PDE11A: variants seen among roughly 807,000 people sequenced by gnomAD.
PDE11A encodes phosphodiesterase 11A.
PDE11A carries 100 observed loss-of-function variants against 100.5 expected under a neutral mutation model. That is an observed-to-expected ratio of 1.00 (90% confidence interval 0.85 to 1.18). The LOEUF (loss-of-function observed/expected upper bound fraction) is 1.18, where lower values mean the gene tolerates loss of function less well. Among genes scored for constraint, PDE11A ranks in the 50% most tolerant of loss-of-function variants. The pLI is 0.00. For synonymous variants in PDE11A, 381 were observed against 420.8 expected (o/e 0.91, Z 1.16); for missense variants, 1,141 against 1,152.6 (o/e 0.99, Z 0.15).
intron 2 of PDE11A, among the ~76,000 whole-genome samples, chr2:178,086,769 GCCAGAA>G (rs1326962345): frequency 6.6e-6 from 1 of 152,134 alleles, no homozygotes; most frequent in African/African-American, 2.4e-5. Flanking sequence ...TATGAATCTG[GCCAGAA>G]CCCCACATAA....
At chr2:177,864,631 C>T (rs935521057) in intron 5 of PDE11A, among the ~76,000 whole-genome samples, 4 of 152,010 alleles carry the variant, frequency 2.6e-5, no homozygotes, top group Admixed American at 2.6e-4. Flanking sequence ...ACAAATTGCC[C>T]AGCAAGGATA....
At chr2:178,017,030 A>C (rs962006528) in intron 1 of PDE11A, among the ~76,000 whole-genome samples, 2 of 152,246 alleles carry the variant, frequency 1.3e-5, no homozygotes, top group Admixed American at 1.3e-4. Context: ...CCCAACTAAA[A>C]TATAAAATCT....
chr2:177,856,637 AAAAGT>A (rs1451068145), intron 5 of PDE11A, among the ~76,000 whole-genome samples: 1 of 152,100 alleles, frequency 6.6e-6, no homozygotes, highest in East Asian at 1.9e-4. Context: ...TCAAAAATTG[AAAAGT>A]ATAGTAACAG....
chr2:177,895,003 C>T (rs920331332), intron 4 of PDE11A, among the ~76,000 whole-genome samples: 1 of 152,060 alleles, frequency 6.6e-6, no homozygotes, highest in African/African-American at 2.4e-5. Flanking sequence ...ACCTTGGGAC[C>T]ACTTATTCAA....
chr2:178,020,221 C>T (rs6741976), intron 1 of PDE11A, among the ~76,000 whole-genome samples: 7,030 of 152,210 alleles, frequency 0.046, 248 homozygotes, highest in Middle Eastern at 0.13. Context: ...GACTGAAAAT[C>T]CACTCTGCAG....
At chr2:178,104,003 C>G (rs574048499) in intron 2 of PDE11A, among the ~76,000 whole-genome samples, 1 of 152,138 alleles carries the variant, frequency 6.6e-6, no homozygotes, top group East Asian at 1.9e-4. Context: ...GCCATTATAC[C>G]ACTAAAATAT....
chr2:177,690,966 T>C (rs2105522540), intron 15 of PDE11A, among the ~76,000 whole-genome samples: 1 of 152,348 alleles, frequency 6.6e-6, no homozygotes, highest in Non-Finnish European at 1.5e-5. Flanking sequence ...CACATTGATA[T>C]GATAATTCAG....
At chr2:177,710,883 C>G (rs17400526) in intron 13 of PDE11A, among the ~76,000 whole-genome samples, 10,843 of 152,294 alleles carry the variant, frequency 0.071, 583 homozygotes, top group Non-Finnish European at 0.11. Flanking sequence ...CTGACTTGTT[C>G]TAGAGGCTGT....
chr2:177,928,225 T>C (rs1247822462), intron 2 of PDE11A, among the ~76,000 whole-genome samples: 1 of 152,120 alleles, frequency 6.6e-6, no homozygotes, highest in Non-Finnish European at 1.5e-5. Context: ...ATTTTACTTA[T>C]GTGATTCTAA....
At chr2:178,073,519 C>T (rs2087165945), upstream of PDE11A, among the ~76,000 whole-genome samples, 1 of 152,038 alleles carries the variant, frequency 6.6e-6, no homozygotes, top group Non-Finnish European at 1.5e-5. Flanking sequence ...AGACAGTAAA[C>T]CAAGCATAGA....
intron 17 of PDE11A, among the ~76,000 whole-genome samples, chr2:177,674,850 CG>C (rs2080744300): frequency 6.6e-6 from 1 of 152,146 alleles, no homozygotes; most frequent in African/African-American, 2.4e-5. Flanking sequence ...CATCATAAAA[CG>C]CACATAACGA....
intron 3 of PDE11A, among the ~76,000 whole-genome samples, chr2:177,901,064 A>C (rs1466261786): frequency 6.6e-6 from 1 of 152,162 alleles, no homozygotes; most frequent in Non-Finnish European, 1.5e-5. Context: ...TTCCCTGGGG[A>C]CTAGAATGCC....
At chr2:177,716,169 C>T (rs2081434143) in intron 12 of PDE11A, among the ~76,000 whole-genome samples, 1 of 152,078 alleles carries the variant, frequency 6.6e-6, no homozygotes, top group South Asian at 2.1e-4. Flanking sequence ...GGTTGTGTAC[C>T]CAACTCTGGG....
At chr2:177,818,494 T>C (rs2083080815) in intron 7 of PDE11A, among the ~76,000 whole-genome samples, 1 of 151,894 alleles carries the variant, frequency 6.6e-6, no homozygotes, top group Non-Finnish European at 1.5e-5. Context: ...ATCTGTAAAA[T>C]GGGGATTAAA....
intron 2 of PDE11A, among the ~76,000 whole-genome samples, chr2:178,101,627 T>C (rs2087559756): frequency 6.6e-6 from 1 of 152,190 alleles, no homozygotes; most frequent in Non-Finnish European, 1.5e-5. Flanking sequence ...ATTCTGAAAC[T>C]ATCTGGAAGT....
At chr2:178,048,814 T>C (rs2086785886) in intron 1 of PDE11A, among the ~76,000 whole-genome samples, 1 of 152,234 alleles carries the variant, frequency 6.6e-6, no homozygotes, top group South Asian at 2.1e-4. Flanking sequence ...GATATTTTGA[T>C]ATCCCATATG....
chr2:178,003,483 T>A (rs569021029), intron 2 of PDE11A, among the ~76,000 whole-genome samples: 1 of 152,192 alleles, frequency 6.6e-6, no homozygotes, highest in Admixed American at 6.5e-5. Context: ...TCTATTTATA[T>A]GAATTGTCCA....
chr2:177,853,680 A>ATGTGTGTGTGTGTGTGTG (rs1212022176), intron 5 of PDE11A, among the ~76,000 whole-genome samples: 7 of 36,504 alleles, frequency 1.9e-4, no homozygotes, highest in South Asian at 1.2e-3. Context: ...ATATATATAT[A>ATGTGTGTGTGTGTGTGTG]TGTGTGTGTG....
chr2:177,786,660 T>C lies in PDE11A; in HGVS notation c.1738-17287A>G, dbSNP rs182288425. On this transcript the variant is annotated intron_variant, in intron 9 of 19. Coordinates refer to ENST00000286063, the MANE Select transcript of PDE11A (RefSeq NM_016953.4). ...TTTGAAAAAAATTTAGACTAATGTA[T>C]AACTAGAATAACCAATACAGAGAAG... Among the ~76,000 whole-genome samples, 992 of 152,148 alleles carry C rather than the reference T, an allele frequency of 6.5e-3. 14 individuals carry two copies. Among genetic ancestry groups the C allele is most frequent in the African/African-American group, 0.022 (932 of 41,514 alleles).
Sources: allele counts gnomAD v4.1 joint callset (sites outside exome capture counted in the v4.1 genomes callset), GRCh38; gene constraint gnomAD v4.1.1; transcripts MANE v1.5; gene names NCBI Gene and HGNC (gene_info 2026-07-23, HGNC 2026-07-21).